TNNT3: variants seen among roughly 807,000 people sequenced by gnomAD.
TNNT3 encodes the protein troponin T, fast skeletal muscle.
Under a neutral mutation model 54.2 loss-of-function variants are expected in TNNT3, and 36 were observed. The observed-to-expected ratio is 0.66, with a 90% CI of 0.51 to 0.88. The LOEUF is 0.88. Ranked by LOEUF, TNNT3 falls within the 40% of genes least tolerant of loss-of-function variation. The pLI is 0.00. For synonymous variants in TNNT3, 120 were observed against 109.7 expected, an observed-to-expected ratio of 1.09 and a Z score of -0.59; for missense variants, 291 against 331.6, an observed-to-expected ratio of 0.88 and a Z score of 0.95.
chr11:1,923,253 G>A (rs1012220858), intron 3 of TNNT3, among the ~76,000 whole-genome samples, 192 bp downstream of exon 3: 1 of 152,104 alleles, frequency 6.6e-6, no homozygotes, highest in Admixed American at 6.5e-5. Flanking sequence ...CCCGAAGTGT[G>A]GCCACATGGT....
At chr11:1,920,701 C>T (rs954206851) in intron 1 of TNNT3, among the ~76,000 whole-genome samples, 10 of 152,244 alleles carry the variant, frequency 6.6e-5, no homozygotes, top group South Asian at 2.1e-4. Context: ...GTGATGCATA[C>T]GTGCCCGAAG....
chr11:1,930,163 G>A (rs1306795252), intron 8 of TNNT3, among the ~76,000 whole-genome samples: 1 of 152,164 alleles, frequency 6.6e-6, no homozygotes, highest in Non-Finnish European at 1.5e-5. Flanking sequence ...CTTCCTGTAG[G>A]AGGAGGCTGC....
intron 7 of TNNT3, among the ~76,000 whole-genome samples, chr11:1,929,433 C>G (rs544242706): frequency 1.3e-5 from 2 of 152,212 alleles, no homozygotes; most frequent in Admixed American, 6.5e-5. Context: ...GGCACGCCCC[C>G]CTCCCCTTTC....
intron 7 of TNNT3, 135 bp from the exon 8 acceptor site, chr11:1,929,675 C>T (rs1168143486): frequency 3.1e-5 from 29 of 946,526 alleles, no homozygotes; most frequent in East Asian, 7.8e-5. Flanking sequence ...GTTGGGGGTA[C>T]TCCCAGCTGA....
intron 6 of TNNT3, chr11:1,928,912 C>G (rs1852402925): frequency 1.5e-6 from 1 of 665,972 alleles, no homozygotes; most frequent in South Asian, 1.6e-5. Flanking sequence ...CACTGGGCAC[C>G]CAGCCCCTTC....
At chr11:1,930,373 G>A (rs1185630042) in intron 8 of TNNT3, among the ~76,000 whole-genome samples, 1 of 152,116 alleles carries the variant, frequency 6.6e-6, no homozygotes, top group Non-Finnish European at 1.5e-5. Flanking sequence ...AAAGGTGGGG[G>A]ACTCAGCCCA....
chr11:1,928,939 A>C, intron 6 of TNNT3, 181 bp from the exon 7 acceptor site: 321 of 568,742 alleles, frequency 5.6e-4, no homozygotes, highest in East Asian at 1.2e-3. Context: ...CTCCCCAGGC[A>C]TTGATTCACC....
At chr11:1,926,428 G>A (rs201187700) in intron 5 of TNNT3, 415 of 1,613,022 alleles carry the variant, frequency 2.6e-4, no homozygotes, top group Middle Eastern at 8.2e-4. Context: ...CCTCTGACCC[G>A]CGGTTTTGCC....
At chr11:1,931,718 C>T (rs1853408367) in intron 8 of TNNT3, among the ~76,000 whole-genome samples, 2 of 145,696 alleles carry the variant, frequency 1.4e-5, no homozygotes, top group African/African-American at 5.1e-5. Flanking sequence ...TTTCCATTTT[C>T]CGTTTTTTTT....
rs530170438 is a variant in TNNT3, at chr11:1,922,444, A to G, written c.-18-413A>G. ...CAGAGAACACCCAGAGACAGGTTTC[A>G]GCTCCATCAGCGGGACCTTTCCAGT... On this transcript the variant is annotated intron_variant, in intron 1 of 15. Transcript: ENST00000278317. 2.7e-4 allele frequency among the ~76,000 whole-genome samples: 41 copies of G among 152,342 alleles called. No individual in the cohort carries two copies. In the Middle Eastern group the frequency reaches 0.01, roughly 38 times the overall value.
intron 14 of TNNT3, chr11:1,935,630 C>T (rs897557728): frequency 4.7e-5 from 8 of 169,278 alleles, no homozygotes; most frequent in East Asian, 1.6e-4. Context: ...GCTCCAGGGG[C>T]GAGGGGTGAG....
intron 5 of TNNT3, 144 bp from the exon 6 acceptor site, chr11:1,926,551 C>T (rs916028306): frequency 1.2e-6 from 2 of 1,610,890 alleles, no homozygotes; most frequent in Non-Finnish European, 1.7e-6. Flanking sequence ...CAAGAAGGAA[C>T]AAGAGGGGCC....
intron 12 of TNNT3, 29 bp from the exon 13 acceptor site, chr11:1,934,517 G>A (rs750070875): frequency 3.1e-6 from 5 of 1,607,134 alleles, no homozygotes; most frequent in African/African-American, 2.7e-5. Flanking sequence ...CTGAGACCAG[G>A]CCCCTCTCTT....
At chr11:1,920,733 T>G (rs1402870742) in intron 1 of TNNT3, among the ~76,000 whole-genome samples, 1 of 152,114 alleles carries the variant, frequency 6.6e-6, no homozygotes, top group Non-Finnish European at 1.5e-5. Flanking sequence ...ATAGGTTATT[T>G]TCACGCAGCC....
chr11:1,923,041 C>T lies in TNNT3; in HGVS notation c.18-7C>T. 9.9e-6 allele frequency: 16 copies of T among 1,614,034 alleles called. No homozygotes were observed. Among genetic ancestry groups the T allele is most frequent in the Non-Finnish European group, 1.4e-5 (16 of 1,180,014 alleles). Reference sequence around the variant, plus strand: ...TCTTTCTTTCTCTCTCTCTCCCTGCCCCACAGTGAACAGGTGGAGGGTAAG... The same window carrying T: ...TCTTTCTTTCTCTCTCTCTCCCTGCTCCACAGTGAACAGGTGGAGGGTAAG... On this transcript the variant is annotated splice_polypyrimidine_tract_variant and splice_region_variant and intron_variant, in intron 2 of 15. Transcript: ENST00000278317.
chr11:1,926,544 G>A, intron 5 of TNNT3, 151 bp from the exon 6 acceptor site: 1 of 1,612,258 alleles, frequency 6.2e-7, no homozygotes, highest in African/African-American at 1.3e-5. Flanking sequence ...CAGGACCCAA[G>A]AAGGAACAAG....
At chr11:1,933,132 C>T (rs1340475520) in intron 9 of TNNT3, among the ~76,000 whole-genome samples, 2 of 131,808 alleles carry the variant, frequency 1.5e-5, no homozygotes, top group Middle Eastern at 3.9e-3. Context: ...ACCCACCCAC[C>T]CATTCACCCA....
intron 8 of TNNT3, among the ~76,000 whole-genome samples, chr11:1,931,450 T>G (rs1853318129): frequency 6.6e-6 from 1 of 152,242 alleles, no homozygotes; most frequent in East Asian, 1.9e-4. Flanking sequence ...GACAGGAACG[T>G]GCTTTTACAT....
At position 1,930,707 on chromosome 11, in the gene TNNT3, C is replaced by A. The variant is rs114410528; in HGVS notation, c.125+879C>A. Among the ~76,000 whole-genome samples the A allele has an allele frequency of 3.6e-3, 555 of 152,310 alleles. 7 individuals are homozygous for A. Among genetic ancestry groups the A allele is most frequent in the African/African-American group, 0.013 (530 of 41,560 alleles). Reference sequence around the variant, plus strand: ...CCACTTGGGGAGCATTGCAGATTCTCAGAAGAGTGAGAACATCTGAAGGGT... The same window carrying A: ...CCACTTGGGGAGCATTGCAGATTCTAAGAAGAGTGAGAACATCTGAAGGGT... On this transcript the variant is annotated intron_variant, in intron 8 of 15. Transcript: ENST00000278317.
Sources: gnomAD v4.1 joint callset for allele counts (sites outside exome capture counted in the v4.1 genomes callset) on GRCh38, gnomAD v4.1.1 for gene constraint, MANE v1.5 for transcripts, NCBI Gene and HGNC (gene_info 2026-07-23, HGNC 2026-07-21) for gene names.